CSMD1: variants seen among roughly 807,000 people sequenced by gnomAD.
The protein encoded by CSMD1 is CUB and Sushi multiple domains 1.
A neutral mutation model predicts 417.5 loss-of-function variants in CSMD1; 213 were observed. The ratio of observed to expected loss-of-function variants is 0.51; its 90% CI spans 0.46 to 0.57. The LOEUF is 0.57. Among genes scored for constraint, CSMD1 ranks in the 20% least tolerant of loss-of-function variants. CSMD1 has a pLI of 0.00. For synonymous variants in CSMD1, 2,862 were observed against 1,736.8 expected (o/e 1.65, Z -16.11); for missense variants, 6,923 against 4,529.7 (o/e 1.53, Z -15.17).
intron 12 of CSMD1, among the ~76,000 whole-genome samples, chr8:3,433,274 C>T (rs1252779286): frequency 6.6e-6 from 1 of 152,144 alleles, no homozygotes; most frequent in African/African-American, 2.4e-5. Flanking sequence ...TAACTTATCT[C>T]CAGGTCTTCT....
Position 4,964,979 on chromosome 8 carries a change from G to A in CSMD1, c.85+29353C>T, listed in dbSNP as rs1014063654. ...TACTTGCTACCTATTGATTCCTTTT[G>A]CTTTGGGTCACTTCTTCACTTCAAA... On this transcript the variant is annotated intron_variant, in intron 1 of 69. Transcript: ENST00000635120. 2.6e-5 allele frequency among the ~76,000 whole-genome samples: 4 copies of A among 152,152 alleles called. No homozygotes were observed. The Middle Eastern group carries it at 0.014, about 518-fold the overall frequency.
intron 5 of CSMD1, among the ~76,000 whole-genome samples, chr8:3,916,984 G>C (rs572511606): frequency 1.4e-4 from 22 of 152,176 alleles, no homozygotes; most frequent in Middle Eastern, 3.4e-3. Flanking sequence ...AGGCAAAATG[G>C]TGAAACTCCA....
chr8:4,086,607 G>A (rs891853658), intron 3 of CSMD1, among the ~76,000 whole-genome samples: 5 of 152,136 alleles, frequency 3.3e-5, no homozygotes, highest in Non-Finnish European at 5.9e-5. Context: ...CTTGAATAAA[G>A]TACAATGCAG....
At chr8:4,767,532 A>G (rs1408311985) in intron 1 of CSMD1, among the ~76,000 whole-genome samples, 3 of 152,080 alleles carry the variant, frequency 2.0e-5, no homozygotes, top group African/African-American at 7.2e-5. Flanking sequence ...ATGGATTAGT[A>G]TCTCACCATC....
intron 2 of CSMD1, among the ~76,000 whole-genome samples, chr8:4,628,524 G>C (rs974053454): frequency 1.3e-5 from 2 of 151,122 alleles, no homozygotes; most frequent in Admixed American, 1.3e-4. Flanking sequence ...TACAGAGAGA[G>C]AAAGAGACAT....
Position 3,663,334 on chromosome 8 carries a change from G to C in CSMD1, c.1009+45080C>G, listed in dbSNP as rs114383115. ...TATTTTTCAGAGGTAGGCATGGTGC[G>C]TTCTGTTTGGAACATGGCAAGTTTG... On this transcript the variant is annotated intron_variant, in intron 7 of 69. Transcript: ENST00000635120. Among the ~76,000 whole-genome samples, 432 of 152,266 alleles carry C rather than the reference G, an allele frequency of 2.8e-3. 2 individuals carry two copies. Among genetic ancestry groups the C allele is most frequent in the African/African-American group, 9.8e-3 (408 of 41,558 alleles).
At chr8:4,156,659 G>T (rs1796851401) in intron 3 of CSMD1, among the ~76,000 whole-genome samples, 1 of 152,136 alleles carries the variant, frequency 6.6e-6, no homozygotes. Context: ...GTACCCATCT[G>T]CTTGTGATTT....
At chr8:3,239,592 G>T (rs1464974139) in intron 26 of CSMD1, among the ~76,000 whole-genome samples, 1 of 152,188 alleles carries the variant, frequency 6.6e-6, no homozygotes, top group Admixed American at 6.6e-5. Flanking sequence ...TAATCTCTGA[G>T]AAGTAGTAGA....
intron 12 of CSMD1, among the ~76,000 whole-genome samples, chr8:3,423,328 C>T (rs1813615454): frequency 1.3e-5 from 2 of 152,168 alleles, no homozygotes; most frequent in Admixed American, 6.5e-5. Context: ...ATTTTCAGTC[C>T]ATTTTTTCTC....
chr8:4,510,671 C>G (rs527804858), intron 2 of CSMD1, among the ~76,000 whole-genome samples: 10 of 144,698 alleles, frequency 6.9e-5, no homozygotes, highest in Non-Finnish European at 1.4e-4. Context: ...GTCTTCCTTT[C>G]CTTCCCTCCT....
chr8:4,802,122 T>A (rs892381791), intron 1 of CSMD1, among the ~76,000 whole-genome samples: 2 of 152,214 alleles, frequency 1.3e-5, no homozygotes, highest in Non-Finnish European at 2.9e-5. Context: ...TTTAAGGCCA[T>A]CTGGAGGGAT....
chr8:3,267,984 C>A (rs1471516414), intron 26 of CSMD1, among the ~76,000 whole-genome samples: 1 of 152,106 alleles, frequency 6.6e-6, no homozygotes, highest in Non-Finnish European at 1.5e-5. Flanking sequence ...AAGACAGGGT[C>A]ATTGCCCTGT....
chr8:4,278,597 T>G (rs970023345), intron 3 of CSMD1, among the ~76,000 whole-genome samples: 7 of 152,218 alleles, frequency 4.6e-5, no homozygotes, highest in African/African-American at 1.7e-4. Context: ...AGAAAATGAT[T>G]AAATAAATTC....
At chr8:4,039,143 C>G (rs926607516) in intron 3 of CSMD1, among the ~76,000 whole-genome samples, 1 of 152,188 alleles carries the variant, frequency 6.6e-6, no homozygotes, top group Non-Finnish European at 1.5e-5. Context: ...GCATTTTCAA[C>G]AGCATGTGTA....
At chr8:4,466,164 C>T (rs771363899) in intron 2 of CSMD1, among the ~76,000 whole-genome samples, 7 of 152,052 alleles carry the variant, frequency 4.6e-5, no homozygotes, top group East Asian at 1.9e-4. Flanking sequence ...AGTCTTACTC[C>T]GTGGTCTTAA....
At chr8:3,175,695 G>A (rs201560160) in intron 37 of CSMD1, among the ~76,000 whole-genome samples, 35 of 106,716 alleles carry the variant, frequency 3.3e-4, no homozygotes, top group African/African-American at 1.5e-3. Flanking sequence ...AGCTTCAGAC[G>A]TGGGAACATG....
intron 5 of CSMD1, among the ~76,000 whole-genome samples, chr8:3,982,356 G>C (rs991327780): frequency 6.6e-6 from 1 of 151,660 alleles, no homozygotes; most frequent in African/African-American, 2.4e-5. Context: ...GCAAAATGAG[G>C]ATAATCCTTG....
intron 5 of CSMD1, among the ~76,000 whole-genome samples, chr8:3,847,831 C>G (rs1803613234): frequency 6.6e-6 from 1 of 152,146 alleles, no homozygotes; most frequent in Non-Finnish European, 1.5e-5. Flanking sequence ...CTCATCTTGA[C>G]TGATTTAGAT....
chr8:3,782,841 G>C (rs764671319), intron 5 of CSMD1, among the ~76,000 whole-genome samples: 1 of 152,062 alleles, frequency 6.6e-6, no homozygotes, highest in Non-Finnish European at 1.5e-5. Flanking sequence ...CTTATGGAGC[G>C]ACTTTCTTGC....
Sources: allele counts gnomAD v4.1 joint callset (sites outside exome capture counted in the v4.1 genomes callset), GRCh38; gene constraint gnomAD v4.1.1; transcripts MANE v1.5; gene names NCBI Gene and HGNC (gene_info 2026-07-23, HGNC 2026-07-21).